The following USP32 variants were observed in gnomAD, a reference collection of about 807,000 sequenced individuals.
USP32 encodes ubiquitin specific peptidase 32, also known as ubiquitin carboxyl-terminal hydrolase 32.
A neutral mutation model predicts 204.8 loss-of-function variants in USP32; 59 were observed. That is an observed-to-expected ratio of 0.29 (90% CI 0.23 to 0.36). The LOEUF (loss-of-function observed/expected upper bound fraction) is 0.36. USP32 is among the 10% of genes least tolerant of loss of function. The pLI, the probability that USP32 is intolerant of heterozygous loss-of-function variation, is 1.00. For synonymous variants in USP32, 517 were observed against 678.4 expected (o/e 0.76, Z 3.70); for missense variants, 1,160 against 1,946.4 (o/e 0.60, Z 7.60).
intron 9 of USP32, 36 bp from the exon 10 acceptor site, chr17:60,255,294 TTTTC>T (rs1435638178): frequency 6.6e-7 from 1 of 1,520,768 alleles, no homozygotes; most frequent in Non-Finnish European, 8.9e-7. Context: ...AACATCTTTT[TTTTC>T]TTTTTTTTTT....
chr17:60,241,214 G>A (rs1486451285), intron 11 of USP32, among the ~76,000 whole-genome samples: 1 of 152,108 alleles, frequency 6.6e-6, no homozygotes, highest in Non-Finnish European at 1.5e-5. Flanking sequence ...GGCCAGGCTG[G>A]TCTCGAACTC....
At chr17:60,213,044 C>A (rs1049519635) in intron 18 of USP32, among the ~76,000 whole-genome samples, 6 of 152,180 alleles carry the variant, frequency 3.9e-5, no homozygotes, top group African/African-American at 1.4e-4. Context: ...TGAGCCACTG[C>A]GCCCGGCCTA....
chr17:60,418,629 T>C (rs1364965706), intron 1 of USP32, among the ~76,000 whole-genome samples: 1 of 152,054 alleles, frequency 6.6e-6, no homozygotes, highest in African/African-American at 2.4e-5. Flanking sequence ...AAAGGTCTAA[T>C]ATCCAGCATC....
intron 1 of USP32, among the ~76,000 whole-genome samples, chr17:60,379,747 C>T (rs201201872): frequency 1.3e-5 from 2 of 152,124 alleles, no homozygotes; most frequent in African/African-American, 4.8e-5. Context: ...GTTCAGAAGA[C>T]GTATAAATGA....
intron 1 of USP32, among the ~76,000 whole-genome samples, chr17:60,357,183 G>A (rs2146041438): frequency 6.6e-6 from 1 of 152,300 alleles, no homozygotes; most frequent in Middle Eastern, 3.4e-3. Context: ...CCAGGCACTG[G>A]CTCACACCTC....
chr17:60,235,122 G>A (rs943050279), intron 12 of USP32, among the ~76,000 whole-genome samples: 4 of 152,072 alleles, frequency 2.6e-5, no homozygotes, highest in African/African-American at 9.7e-5. Context: ...TGTTCCTACG[G>A]AAAACAAAAC....
chr17:60,369,200 T>C (rs2089386553), intron 1 of USP32, among the ~76,000 whole-genome samples: 1 of 145,626 alleles, frequency 6.9e-6, no homozygotes, highest in Non-Finnish European at 1.5e-5. Flanking sequence ...TTCACCGTTT[T>C]AGCTGGGATG....
intron 4 of USP32, among the ~76,000 whole-genome samples, chr17:60,290,750 C>T (rs1598203145): frequency 6.6e-6 from 1 of 151,328 alleles, no homozygotes; most frequent in African/African-American, 2.4e-5. Flanking sequence ...TGGGGGCTGG[C>T]CACTGGGAAA....
intron 1 of USP32, among the ~76,000 whole-genome samples, chr17:60,419,418 G>A (rs1276612049): frequency 6.6e-6 from 1 of 152,098 alleles, no homozygotes; most frequent in Non-Finnish European, 1.5e-5. Flanking sequence ...ATGGGTACTA[G>A]GCTTAATACC....
intron 2 of USP32, among the ~76,000 whole-genome samples, chr17:60,302,089 C>A (rs2087592470): frequency 6.6e-6 from 1 of 150,446 alleles, no homozygotes; most frequent in Non-Finnish European, 1.5e-5. Context: ...GTGTTCTGAG[C>A]ACATATATAT....
intron 5 of USP32, among the ~76,000 whole-genome samples, chr17:60,274,222 T>C (rs2086791450): frequency 6.6e-6 from 1 of 152,030 alleles, no homozygotes; most frequent in Non-Finnish European, 1.5e-5. Flanking sequence ...CAGGAAAGAT[T>C]AGTGAGCTTG....
chr17:60,199,107 C>CT (rs1310175122), intron 26 of USP32, among the ~76,000 whole-genome samples: 1 of 148,296 alleles, frequency 6.7e-6, no homozygotes, highest in Non-Finnish European at 1.5e-5. Context: ...TAGAGTGAGA[C>CT]CTGTCTCAAA....
At chr17:60,322,506 T>G (rs2088138080) in intron 2 of USP32, among the ~76,000 whole-genome samples, 2 of 152,288 alleles carry the variant, frequency 1.3e-5, no homozygotes, top group South Asian at 4.1e-4. Context: ...ATTTTAAAAA[T>G]AGATTGTAAT....
intron 1 of USP32, among the ~76,000 whole-genome samples, chr17:60,412,994 C>T (rs937272927): frequency 6.6e-6 from 1 of 152,002 alleles, no homozygotes; most frequent in Non-Finnish European, 1.5e-5. Context: ...ATTTTGATAC[C>T]CTGACAAGAT....
intron 1 of USP32, among the ~76,000 whole-genome samples, chr17:60,372,158 A>G (rs62082072): frequency 0.034 from 5,163 of 152,284 alleles, 142 homozygotes; most frequent in South Asian, 0.072. Flanking sequence ...TGAAAAATCA[A>G]TACCAAATAC....
In USP32 at chr17:60,288,617, G is replaced by A; in HGVS notation, c.477C>T (p.Phe159=). The part of the protein sequence containing the change: ...WLFLNKDAFT[F]SRWLLSGGVY... ...CACCTCCAGATAGAAGCCATCGAGA[G>A]AAAGTAAAAGCATCTTTGTTTAGAA... Residue 159 remains phenylalanine, a synonymous_variant, in exon 5 of 34, where the codon TTC becomes TTT. Coordinates refer to ENST00000300896, the MANE Select transcript of USP32 (RefSeq NM_032582.4). The A allele has an allele frequency of 6.2e-7, 1 of 1,613,504 alleles. No individual in the cohort carries two copies.
rs2085028313 is a variant in USP32 at position 60,213,663 on chromosome 17, CT to C, written c.2023-2del. 1 of 1,210,544 alleles carries C rather than the reference CT, an allele frequency of 8.3e-7. No individual in the cohort carries two copies. The highest frequency in any genetic ancestry group is 1.1e-6 in the Non-Finnish European group (1 of 880,496). The allele number at this position is 1,210,544 out of a possible 1,614,324, so 75.0% of individuals were successfully genotyped here. On this transcript the variant is annotated splice_acceptor_variant, in intron 17 of 33. Transcript: ENST00000300896. LOFTEE classifies it high-confidence loss of function. Reference sequence around the variant, plus strand: ...CATCATCCAGAAGAGTAAGGTAGTTCTGTGTAAGGAGGAGGAAATGTTTTTG... The same window carrying C: ...CATCATCCAGAAGAGTAAGGTAGTTCGTGTAAGGAGGAGGAAATGTTTTTG...
rs114803350 is a variant in USP32 at position 60,278,555 on chromosome 17, A to T, written c.572-7074T>A. Among the ~76,000 whole-genome samples the T allele has an allele frequency of 7.2e-3, 1,102 of 152,306 alleles. 15 individuals are homozygous for T. The highest frequency in any genetic ancestry group is 0.025 in the African/African-American group (1,058 of 41,544). On this transcript the variant is annotated intron_variant, in intron 5 of 33. Transcript: ENST00000300896. ...AAGTCTGAAGGTAAGACAGATAGTA[A>T]TAGGACAGAAAGACAAAAAAGCAGT...
At chr17:60,191,110 A>T (rs950164550) in intron 28 of USP32, among the ~76,000 whole-genome samples, 5 of 152,128 alleles carry the variant, frequency 3.3e-5, no homozygotes, top group Admixed American at 3.3e-4. Context: ...TGCATATAAA[A>T]GTTTACAGGG....
Sources: allele counts gnomAD v4.1 joint callset (sites outside exome capture counted in the v4.1 genomes callset), GRCh38; gene constraint gnomAD v4.1.1; transcripts MANE v1.5; gene names NCBI Gene and HGNC (gene_info 2026-07-23, HGNC 2026-07-21).